VTCN1: variants seen among roughly 807,000 people sequenced by gnomAD.
VTCN1 encodes the protein V-set domain-containing T-cell activation inhibitor 1.
Under a neutral mutation model 26.5 loss-of-function variants are expected in VTCN1, and 26 were observed. The observed-to-expected ratio is 0.98, with a 90% confidence interval of 0.72 to 1.36. The LOEUF is 1.36. Among genes scored for constraint, VTCN1 ranks in the 40% most tolerant of loss-of-function variants. VTCN1 has a pLI of 0.00. For synonymous variants in VTCN1, 116 were observed against 130.7 expected, an observed-to-expected ratio of 0.89 and a Z score of 0.77; for missense variants, 298 against 337.7, an observed-to-expected ratio of 0.88 and a Z score of 0.92.
chr1:117,206,972 G>C (rs1649103191), intron 1 of VTCN1, among the ~76,000 whole-genome samples: 1 of 152,170 alleles, frequency 6.6e-6, no homozygotes, highest in Admixed American at 6.5e-5. Flanking sequence ...TATAGGCTCA[G>C]GGAAGCTGAA....
intron 1 of VTCN1, among the ~76,000 whole-genome samples, chr1:117,200,953 G>T (rs1371745608): frequency 6.6e-6 from 1 of 152,028 alleles, no homozygotes; most frequent in Non-Finnish European, 1.5e-5. Flanking sequence ...GTTTGGTGGG[G>T]TGCAGCAGGT....
intron 1 of VTCN1, among the ~76,000 whole-genome samples, chr1:117,206,598 G>A (rs568632505): frequency 2.0e-5 from 3 of 152,146 alleles, no homozygotes; most frequent in East Asian, 1.9e-4. Context: ...ACAACAAGGT[G>A]CATGACAGAG....
intron 1 of VTCN1, among the ~76,000 whole-genome samples, chr1:117,184,779 A>C (rs1165661239): frequency 4.6e-5 from 7 of 152,198 alleles, no homozygotes; most frequent in Admixed American, 3.9e-4. Context: ...TAAGGACCAC[A>C]GCAAGAGCCA....
intron 1 of VTCN1, among the ~76,000 whole-genome samples, chr1:117,191,696 C>T (rs940593218): frequency 3.3e-5 from 5 of 152,150 alleles, no homozygotes; most frequent in Non-Finnish European, 7.3e-5. Flanking sequence ...GCAGGAGAAT[C>T]GCTTGAACCC....
At chr1:117,151,993 AT>A (rs995197439) in intron 4 of VTCN1, among the ~76,000 whole-genome samples, 2 of 152,092 alleles carry the variant, frequency 1.3e-5, no homozygotes, top group African/African-American at 4.8e-5. Context: ...CTTTTTAGCT[AT>A]TTTTATATCA....
At chr1:117,174,381 C>A (rs1293457013) in intron 1 of VTCN1, among the ~76,000 whole-genome samples, 3 of 152,166 alleles carry the variant, frequency 2.0e-5, no homozygotes, top group Non-Finnish European at 2.9e-5. Context: ...TAAACAAGGT[C>A]CCTGCCCTCA....
At chr1:117,170,458 G>A (rs930010123) in intron 1 of VTCN1, 5 of 470,610 alleles carry the variant, frequency 1.1e-5, no homozygotes, top group South Asian at 9.0e-5. Context: ...TATGGAGACT[G>A]TTGGGGCAAG....
chr1:117,186,113 T>C (rs1476717030), intron 1 of VTCN1, among the ~76,000 whole-genome samples: 1 of 152,222 alleles, frequency 6.6e-6, no homozygotes, highest in Non-Finnish European at 1.5e-5. Flanking sequence ...TCCCTAGTTA[T>C]AGGAACCATC....
chr1:117,197,766 G>C (rs1648588872), intron 1 of VTCN1, among the ~76,000 whole-genome samples: 1 of 152,002 alleles, frequency 6.6e-6, no homozygotes, highest in Non-Finnish European at 1.5e-5. Context: ...AAGACTCCGA[G>C]AACCTGGCCA....
intron 1 of VTCN1, among the ~76,000 whole-genome samples, chr1:117,182,140 C>T (rs1022038255): frequency 2.6e-5 from 4 of 152,142 alleles, no homozygotes; most frequent in African/African-American, 9.6e-5. Context: ...CTTCTCTCTA[C>T]GAAAGCCCAT....
intron 1 of VTCN1, among the ~76,000 whole-genome samples, chr1:117,180,369 C>T (rs765852495): frequency 6.6e-5 from 10 of 152,212 alleles, no homozygotes; most frequent in Non-Finnish European, 1.2e-4. Context: ...ACAAGCAGAG[C>T]GAGACAAAAG....
At chr1:117,170,432 A>G (rs1475340477) in intron 1 of VTCN1, 1 of 531,198 alleles carries the variant, frequency 1.9e-6, no homozygotes, top group Non-Finnish European at 3.6e-6. Flanking sequence ...CTATTTCCAG[A>G]TCAGGGAAGA....
In VTCN1 at chr1:117,175,470, C is replaced by T. The variant is rs532197332; in HGVS notation, c.33-5299G>A. 1.1e-4 allele frequency among the ~76,000 whole-genome samples: 17 copies of T among 152,298 alleles called. 1 individual carries two copies. The Middle Eastern group carries it at 0.014, about 122-fold the overall frequency. ...ATGTACTTCTCTGGAGAGGGAGCCC[C>T]GTGTGCAGATGTTCATTCAAAAAAA... On this transcript the variant is annotated intron_variant, in intron 1 of 5. Transcript: ENST00000369458. This position sits in a 1 kb window ranked among gnomAD's most constrained non-coding sequence, Gnocchi z 4.2.
chr1:117,196,295 T>G (rs1557877057), intron 1 of VTCN1, among the ~76,000 whole-genome samples: 1 of 152,050 alleles, frequency 6.6e-6, no homozygotes, highest in South Asian at 2.1e-4. Context: ...AATCATATTA[T>G]AGAAGAAGAT....
In VTCN1 at chr1:117,156,757, C is replaced by T; in HGVS notation, c.262G>A (p.Asp88Asn). 6.2e-7 allele frequency: 1 copy of T among 1,614,182 alleles called. No individual in the cohort carries two copies. Among genetic ancestry groups the T allele is most frequent in the South Asian group, 1.1e-5 (1 of 91,086 alleles). Residue 88 changes from aspartate to asparagine, a missense_variant, in exon 3 of 6, where the codon GAT becomes AAT. Physicochemically the swap from Asp to Asn is conservative, Grantham distance 23. Coordinates refer to ENST00000369458, the MANE Select transcript of VTCN1 (RefSeq NM_024626.4). ...GLVHEFKEGK[D>N]ELSEQDEMFR... ...ATTTCATCCTGCTCCGACAGCTCAT[C>T]TTTGCCTTCTTTGAACTCATGGACC...
rs1218765525 is a variant in VTCN1 at position 117,167,072 on chromosome 1, G to A, written c.97+3035C>T. Among the ~76,000 whole-genome samples the A allele has an allele frequency of 1.4e-5, 2 of 142,104 alleles. No individual in the cohort carries two copies. Among genetic ancestry groups the A allele is most frequent in the Non-Finnish European group, 3.0e-5 (2 of 67,230 alleles). 93.2% of individuals were successfully genotyped at this position (142,104 alleles called of 152,430 possible). The stretch of plus-strand genomic sequence containing the variant: ...TATGCCACTGTACTCCAGCCTGAGC[G>A]ACAGAGCAAGACTGTCTCAAAAAAA... On this transcript the variant is annotated intron_variant, in intron 2 of 5. Transcript: ENST00000369458. This position sits in a 1 kb window ranked among gnomAD's most constrained non-coding sequence, Gnocchi z 4.1.
chr1:117,149,695 C>A (rs1046399635), intron 4 of VTCN1, among the ~76,000 whole-genome samples: 1 of 152,164 alleles, frequency 6.6e-6, no homozygotes, highest in African/African-American at 2.4e-5. Flanking sequence ...ATTTCAGTAT[C>A]TCAGGGGGCT....
At chr1:117,192,639 A>G (rs1043037553) in intron 1 of VTCN1, among the ~76,000 whole-genome samples, 4 of 152,230 alleles carry the variant, frequency 2.6e-5, no homozygotes, top group African/African-American at 7.2e-5. Context: ...CATTAATATC[A>G]TAAGATGTGT....
In VTCN1 at chr1:117,169,616, G is replaced by A. The variant is rs1652790800; in HGVS notation, c.97+491C>T. 6.6e-6 allele frequency among the ~76,000 whole-genome samples: 1 copy of A among 152,172 alleles called. No individual in the cohort carries two copies. The highest frequency in any genetic ancestry group is 2.1e-4 in the South Asian group (1 of 4,836). On this transcript the variant is annotated intron_variant, in intron 2 of 5. Transcript: ENST00000369458. This position sits in a 1 kb window ranked among gnomAD's most constrained non-coding sequence, Gnocchi z 4.0. ...ACTCAAAAATGAGGAAACTAGCCTG[G>A]GCACGGTGGCTCAGGCCGGCAATCC...
Sources: gnomAD v4.1 joint callset for allele counts (sites outside exome capture counted in the v4.1 genomes callset) on GRCh38, gnomAD v4.1.1 for gene constraint, Gnocchi (gnomAD v3.1) non-coding constraint, MANE v1.5 for transcripts, NCBI Gene and HGNC (gene_info 2026-07-23, HGNC 2026-07-21) for gene names.